PRKX: variants seen among roughly 807,000 people sequenced by gnomAD.
The protein encoded by PRKX is cAMP-dependent protein kinase catalytic subunit PRKX.
PRKX carries 12 observed loss-of-function variants against 22.0 expected under a neutral mutation model. That is an observed-to-expected ratio of 0.54 (90% confidence interval 0.35 to 0.88). The LOEUF (loss-of-function observed/expected upper bound fraction) is 0.88. Among genes scored for constraint, PRKX ranks in the 40% least tolerant of loss-of-function variants. The probability of loss-of-function intolerance (pLI) is 0.01; values close to 1 mark genes in which losing one functional copy is unlikely to be tolerated. For missense variants in PRKX, 217 were observed against 308.0 expected (o/e 0.70, Z 2.21); for synonymous variants, 134 against 137.7 (o/e 0.97, Z 0.19).
At chrX:3,619,890 A>T (rs1469120284) in intron 6 of PRKX, among the ~76,000 whole-genome samples, 1 of 111,451 alleles carries the variant, frequency 9.0e-6, no homozygotes, top group East Asian at 2.8e-4. Flanking sequence ...CAGGGTCAAG[A>T]CGTATATGGA....
chrX:3,630,129 T>C (rs1194479842), intron 4 of PRKX, among the ~76,000 whole-genome samples: 1 of 112,264 alleles, frequency 8.9e-6, no homozygotes, highest in Non-Finnish European at 1.9e-5. Context: ...GTTCAAAATA[T>C]GTGAAACAAA....
chrX:3,693,807 G>C (rs1456623878), intron 1 of PRKX, among the ~76,000 whole-genome samples: 2 of 108,308 alleles, frequency 1.8e-5, no homozygotes, highest in African/African-American at 6.7e-5. Context: ...GGGTGTGGTG[G>C]CGGGTGCCTG....
intron 4 of PRKX, among the ~76,000 whole-genome samples, chrX:3,636,989 A>G (rs1343761079): frequency 9.6e-6 from 1 of 104,109 alleles, no homozygotes; most frequent in Admixed American, 1.1e-4. Flanking sequence ...AAAGGGGAAA[A>G]GGGAAAGGGG....
intron 2 of PRKX, among the ~76,000 whole-genome samples, chrX:3,661,079 T>C (rs1015116078): frequency 1.7e-4 from 19 of 110,880 alleles, no homozygotes; most frequent in South Asian, 3.9e-4. Context: ...CTTATCAGTA[T>C]ATATGAAATG....
intron 3 of PRKX, among the ~76,000 whole-genome samples, chrX:3,650,378 G>A (rs753268618): frequency 2.0e-4 from 21 of 106,885 alleles, no homozygotes; most frequent in Admixed American, 4.0e-4. Flanking sequence ...AAAATTAGCC[G>A]GGCGTGGTGG....
rs755737086 is a variant in PRKX at position 3,692,417 on chromosome X, G to T, written c.167-17651C>A. Among the ~76,000 whole-genome samples, 3 of 110,759 alleles carry T rather than the reference G, an allele frequency of 2.7e-5. No homozygotes were observed. The East Asian group carries it at 8.5e-4, about 31-fold the overall frequency. On this transcript the variant is annotated intron_variant, in intron 1 of 8. Transcript: ENST00000262848. Reference sequence around the variant, plus strand: ...TGGAGCAAGCACTGCCCGTAGTATCGCCTGCAATGATAGGAATGTTCTCTA... The same window carrying T: ...TGGAGCAAGCACTGCCCGTAGTATCTCCTGCAATGATAGGAATGTTCTCTA...
At chrX:3,633,090 T>C (rs1439052194) in intron 4 of PRKX, among the ~76,000 whole-genome samples, 3 of 109,933 alleles carry the variant, frequency 2.7e-5, no homozygotes, top group Non-Finnish European at 5.7e-5. Flanking sequence ...TGCTGGTGTG[T>C]GCCTGTGTTC....
At chrX:3,640,925 G>T (rs1427791041) in intron 4 of PRKX, among the ~76,000 whole-genome samples, 1 of 111,140 alleles carries the variant, frequency 9.0e-6, no homozygotes, top group Non-Finnish European at 1.9e-5. Context: ...ACTCCCACAA[G>T]GGCCATGACA....
At chrX:3,676,409 A>T (rs1194204918) in intron 1 of PRKX, among the ~76,000 whole-genome samples, 2 of 111,561 alleles carry the variant, frequency 1.8e-5, no homozygotes, top group Non-Finnish European at 3.8e-5. Context: ...AACCCAAGAG[A>T]ACCAGGATCT....
chrX:3,625,557 T>C (rs1926643345), intron 5 of PRKX, among the ~76,000 whole-genome samples: 1 of 110,061 alleles, frequency 9.1e-6, no homozygotes, highest in Non-Finnish European at 1.9e-5. Context: ...TTGGGTAAGG[T>C]AGCCAGAAAA....
chrX:3,711,493 C>T (rs1233572162), intron 1 of PRKX, among the ~76,000 whole-genome samples: 2 of 112,243 alleles, frequency 1.8e-5, no homozygotes, highest in Non-Finnish European at 3.8e-5. Flanking sequence ...TGCTCTCTGC[C>T]CCGGCCTCCA....
chrX:3,667,487 G>C (rs1389158802), intron 2 of PRKX: 1 of 109,038 alleles, frequency 9.2e-6, no homozygotes, highest in African/African-American at 3.3e-5. Flanking sequence ...CTTAACCAAG[G>C]TGACCTAGCA....
chrX:3,678,194 C>A (rs965936000), intron 1 of PRKX, among the ~76,000 whole-genome samples: 2 of 112,262 alleles, frequency 1.8e-5, no homozygotes, highest in African/African-American at 3.2e-5. Flanking sequence ...AACCTTTTAA[C>A]CTTTTAGTCT....
chrX:3,634,745 T>C (rs1284404078), intron 4 of PRKX, among the ~76,000 whole-genome samples: 1 of 111,725 alleles, frequency 9.0e-6, no homozygotes, highest in Non-Finnish European at 1.9e-5. Context: ...GGCTGGAGTG[T>C]AGTGACGAGA....
At chrX:3,653,921 A>G (rs184763594) in intron 3 of PRKX, among the ~76,000 whole-genome samples, 1 of 47,746 alleles carries the variant, frequency 2.1e-5, no homozygotes, top group African/African-American at 6.7e-5. Context: ...GATATATATA[A>G]TATATATTAT....
At chrX:3,664,040 A>T (rs1487244095) in intron 2 of PRKX, among the ~76,000 whole-genome samples, 1 of 111,658 alleles carries the variant, frequency 9.0e-6, no homozygotes, top group Non-Finnish European at 1.9e-5. Flanking sequence ...GTACATGCCC[A>T]CAGGCACACA....
In PRKX at chrX:3,690,244, A is replaced by G. The variant is rs1055034825; in HGVS notation, c.167-15478T>C. ...TTCAAACTTCAGTTAAAAACAGTAG[A>G]GCCAATTCAGCCAAGCAGTGTGTGG... On this transcript the variant is annotated intron_variant, in intron 1 of 8. Coordinates refer to ENST00000262848, the MANE Select transcript of PRKX (RefSeq NM_005044.5). Among the ~76,000 whole-genome samples, 5 of 111,770 alleles carry G rather than the reference A, an allele frequency of 4.5e-5. No homozygotes were observed. In the Admixed American group the frequency reaches 4.8e-4, roughly 11 times the overall value.
intron 1 of PRKX, among the ~76,000 whole-genome samples, chrX:3,706,542 G>T (rs1393253596): frequency 9.0e-6 from 1 of 111,567 alleles, no homozygotes; most frequent in Admixed American, 9.6e-5. Context: ...CTGGAATGCA[G>T]TAGCACGATC....
Position 3,647,250 on chromosome X carries a change from T to C in PRKX, c.600-5279A>G, listed in dbSNP as rs1330254337. On this transcript the variant is annotated intron_variant, in intron 3 of 8. Coordinates refer to ENST00000262848, the MANE Select transcript of PRKX (RefSeq NM_005044.5). ...AAATTATATATAAAACTATGGATAATAATGTATAATTATAGCTACATATAA... is the reference window on the plus strand; with the variant it reads ...AAATTATATATAAAACTATGGATAACAATGTATAATTATAGCTACATATAA... Among the ~76,000 whole-genome samples, 10 of 107,547 alleles carry C rather than the reference T, an allele frequency of 9.3e-5. No homozygotes were observed. In the East Asian group the frequency reaches 2.8e-3, roughly 30 times the overall value. The allele number at this position is 107,547 out of a possible 115,157, so 93.4% of individuals were successfully genotyped here.
Sources: allele counts gnomAD v4.1 joint callset (sites outside exome capture counted in the v4.1 genomes callset), GRCh38; gene constraint gnomAD v4.1.1; transcripts MANE v1.5; gene names NCBI Gene and HGNC (gene_info 2026-07-23, HGNC 2026-07-21).